OTOG: variants seen among roughly 807,000 people sequenced by gnomAD.
The protein encoded by OTOG is otogelin.
Under a neutral mutation model 313.8 loss-of-function variants are expected in OTOG, and 296 were observed. The observed-to-expected ratio is 0.94, with a 90% confidence interval of 0.86 to 1.04. The LOEUF (loss-of-function observed/expected upper bound fraction) is 1.04, where lower values mean the gene tolerates loss of function less well. Ranked by LOEUF, OTOG falls within the 50% of genes least tolerant of loss-of-function variation. OTOG has a pLI of 0.00. For missense variants in OTOG, 3,948 were observed against 3,840.1 expected, an observed-to-expected ratio of 1.03 and a Z score of -0.74; for synonymous variants, 1,533 against 1,554.9, an observed-to-expected ratio of 0.99 and a Z score of 0.33.
intron 47 of OTOG, among the ~76,000 whole-genome samples, chr11:17,637,151 C>T (rs1590059548): frequency 6.6e-6 from 1 of 152,216 alleles, no homozygotes; most frequent in African/African-American, 2.4e-5. Context: ...TTAGTGGATA[C>T]ATATCCTTCC....
chr11:17,595,960 C>T, intron 28 of OTOG, 78 bp from the exon 29 acceptor site: 1 of 986,480 alleles, frequency 1.0e-6, no homozygotes, highest in Non-Finnish European at 1.6e-6. Flanking sequence ...ATGGCGGCCA[C>T]CCTAAAATCT....
chr11:17,548,013 C>A, intron 2 of OTOG, 26 bp downstream of exon 2: 1 of 935,618 alleles, frequency 1.1e-6, no homozygotes, highest in Non-Finnish European at 1.5e-6. Flanking sequence ...CTGTGGCGGC[C>A]CCACCCACAG....
rs1990180 is a variant in OTOG, at chr11:17,560,923, C to T, written c.1451+106C>T. ...AATGGCTGGCGTCGGGGCACTCACT[C>T]AGTACCTTTGAGTCCCAGGGGAGTC... On this transcript the variant is annotated intron_variant, in intron 13 of 55. Coordinates refer to ENST00000399397, the MANE Select transcript of OTOG (RefSeq NM_001292063.2). The T allele has an allele frequency of 2.0e-3, 2,451 of 1,207,716 alleles. 3 individuals carry two copies. The highest frequency in any genetic ancestry group is 2.6e-3 in the Non-Finnish European group (2,174 of 841,378). 74.8% of individuals were successfully genotyped at this position (1,207,716 alleles called of 1,614,324 possible).
At chr11:17,580,681 T>C (rs1371203259) in intron 23 of OTOG, among the ~76,000 whole-genome samples, 1 of 152,174 alleles carries the variant, frequency 6.6e-6, no homozygotes, top group African/African-American at 2.4e-5. Flanking sequence ...AGGAAGGCAG[T>C]GAGCCAGCCC....
rs922576336 is a variant in OTOG at position 17,638,535 on chromosome 11, C to T, written c.7880C>T (p.Pro2627Leu). The change falls in exon 48 of 56, where the codon CCC (proline) becomes CTC (leucine). Residue 2627 changes from proline (P) to leucine (L), a missense_variant. By Grantham distance (98) the Pro-to-Leu change is moderately conservative (BLOSUM62 -3). Coordinates refer to ENST00000399397, the MANE Select transcript of OTOG (RefSeq NM_001292063.2). ...GTGTGGAGCCCCGACCGCTGCTGCC[C>T]CTACAAATCCTGTGGTGAGTCCGTG... ...VEVWSPDRCC[P>L]YKSCECDCDT... is the part of the protein sequence containing the mutation. 1 of 1,550,416 alleles carries T rather than the reference C, an allele frequency of 6.4e-7. No homozygotes were observed. Among genetic ancestry groups the T allele is most frequent in the Non-Finnish European group, 8.7e-7 (1 of 1,146,932 alleles).
At chr11:17,613,194 CTTTT>C (rs1361732496) in intron 38 of OTOG, among the ~76,000 whole-genome samples, 86 of 48,698 alleles carry the variant, frequency 1.8e-3, no homozygotes, top group Middle Eastern at 9.8e-3. Flanking sequence ...TTCTTTCTTT[CTTTT>C]CTTTCTTTCT....
chr11:17,626,486 T>C (rs1238228325), intron 39 of OTOG, among the ~76,000 whole-genome samples: 2 of 152,204 alleles, frequency 1.3e-5, no homozygotes, highest in African/African-American at 4.8e-5. Flanking sequence ...TATATGCCTA[T>C]TTTTACGCCA....
chr11:17,570,948 C>A (rs914163892), intron 17 of OTOG, among the ~76,000 whole-genome samples: 1 of 152,194 alleles, frequency 6.6e-6, no homozygotes, highest in African/African-American at 2.4e-5. Flanking sequence ...GTGAGCCTCC[C>A]CATATTCAGG....
rs563396932 is a variant in OTOG at position 17,587,683 on chromosome 11, C to T, written c.2867+1102C>T. Among the ~76,000 whole-genome samples, 5 of 152,316 alleles carry T rather than the reference C, an allele frequency of 3.3e-5. No individual in the cohort carries two copies. The South Asian group carries it at 1.0e-3, about 32-fold the overall frequency. ...GCTCCAAGGCCGGTTTCTCCAGATACATCAGAGTGTACTTGTAGGGTCAGA... is the reference window on the plus strand; with the variant it reads ...GCTCCAAGGCCGGTTTCTCCAGATATATCAGAGTGTACTTGTAGGGTCAGA... On this transcript the variant is annotated intron_variant, in intron 24 of 55. Transcript: ENST00000399397.
chr11:17,551,456 G>A (rs2133994930), intron 3 of OTOG, among the ~76,000 whole-genome samples: 1 of 152,258 alleles, frequency 6.6e-6, no homozygotes, highest in East Asian at 1.9e-4. Context: ...TCCTGACTGG[G>A]AGCTGAGTTG....
At chr11:17,613,500 A>T (rs1264382099) in intron 38 of OTOG, 112 bp from the exon 39 acceptor site, 2 of 861,198 alleles carry the variant, frequency 2.3e-6, no homozygotes, top group African/African-American at 3.4e-5. Flanking sequence ...AGCCCCTGGC[A>T]TAGTGCAGGG....
intron 26 of OTOG, 123 bp from the exon 27 acceptor site, chr11:17,593,485 AAC>A: frequency 6.9e-7 from 1 of 1,439,418 alleles, no homozygotes; most frequent in African/African-American, 1.4e-5. Flanking sequence ...CAGGGTCAGG[AAC>A]ACAGAGGCCA....
chr11:17,612,923 A>T (rs1853598209), intron 38 of OTOG, among the ~76,000 whole-genome samples, 158 bp downstream of exon 38: 1 of 152,180 alleles, frequency 6.6e-6, no homozygotes. Flanking sequence ...CTCCCAGGTG[A>T]TGGCTCCCTT....
intron 28 of OTOG, 150 bp downstream of exon 28, chr11:17,594,316 A>G: frequency 2.8e-6 from 3 of 1,084,002 alleles, no homozygotes; most frequent in Non-Finnish European, 3.9e-6. Context: ...CTAGCCCTAG[A>G]CTCTGTCCTA....
intron 16 of OTOG, 131 bp from the exon 17 acceptor site, chr11:17,570,070 TGGCAGGCACGCA>T (rs1852369960): frequency 2.8e-6 from 2 of 720,388 alleles, no homozygotes; most frequent in South Asian, 3.7e-5. Context: ...ACCAGCTTCA[TGGCAGGCACGCA>T]GGCAGGCAGG....
At chr11:17,556,280 A>T (rs544666634) in intron 7 of OTOG, among the ~76,000 whole-genome samples, 1 of 152,304 alleles carries the variant, frequency 6.6e-6, no homozygotes, top group Non-Finnish European at 1.5e-5. Flanking sequence ...TTCTGATGAC[A>T]CAGGGTCATT....
At position 17,596,984 on chromosome 11, in the gene OTOG, A is replaced by C. The variant is rs775750877; in HGVS notation, c.3659A>C (p.Asp1220Ala). The C allele has an allele frequency of 6.5e-7, 1 of 1,550,126 alleles. No homozygotes were observed. Among genetic ancestry groups the C allele is most frequent in the Non-Finnish European group, 8.7e-7 (1 of 1,146,836 alleles). Residue 1220 changes from aspartate to alanine, a missense_variant, in exon 30 of 56, where the codon GAC becomes GCC. Coordinates refer to ENST00000399397, the MANE Select transcript of OTOG (RefSeq NM_001292063.2). ...TGTTGCCAGCATGGGGTGGCTGTTG[A>C]CTGGCGAACCCCCCGCCTCTGCCGT... ...HQCCQHGVAV[D>A]WRTPRLCPYD...
chr11:17,549,403 T>A (rs1851885669), intron 3 of OTOG, among the ~76,000 whole-genome samples: 1 of 152,224 alleles, frequency 6.6e-6, no homozygotes, highest in Admixed American at 6.5e-5. Flanking sequence ...GGGGGGATGG[T>A]GTGGGCGTGC....
chr11:17,576,241 A>G (rs1223491815), intron 20 of OTOG, among the ~76,000 whole-genome samples: 1 of 152,194 alleles, frequency 6.6e-6, no homozygotes, highest in East Asian at 1.9e-4. Flanking sequence ...TGGGCTCAGG[A>G]GCTGTGCTCC....
Sources: gnomAD v4.1 joint callset for allele counts (sites outside exome capture counted in the v4.1 genomes callset) on GRCh38, gnomAD v4.1.1 for gene constraint, MANE v1.5 for transcripts, NCBI Gene and HGNC (gene_info 2026-07-23, HGNC 2026-07-21) for gene names.